Variants in KLHL32 observed in about 807,000 individuals in gnomAD.
KLHL32 encodes the protein kelch like family member 32.
KLHL32 carries 35 observed loss-of-function variants against 64.8 expected under a neutral mutation model. That is an observed-to-expected ratio of 0.54 (90% CI 0.41 to 0.72). The LOEUF (loss-of-function observed/expected upper bound fraction) is 0.72. Ranked by LOEUF, KLHL32 falls within the 30% of genes least tolerant of loss-of-function variation. The probability of loss-of-function intolerance (pLI) is 0.00; values close to 1 mark genes in which losing one functional copy is unlikely to be tolerated. For missense variants in KLHL32, 589 were observed against 768.5 expected, an observed-to-expected ratio of 0.77 and a Z score of 2.76; for synonymous variants, 259 against 281.0, an observed-to-expected ratio of 0.92 and a Z score of 0.78.
At chr6:97,076,973 A>AT (rs1257260158) in intron 5 of KLHL32, among the ~76,000 whole-genome samples, 3 of 152,126 alleles carry the variant, frequency 2.0e-5, no homozygotes, top group South Asian at 2.1e-4. Flanking sequence ...AAGATGTGGC[A>AT]TTTTTTCTTG....
chr6:96,907,530 A>T, the KLHL32 span, among the ~76,000 whole-genome samples: 1 of 152,208 alleles, frequency 6.6e-6, no homozygotes, highest in East Asian at 1.9e-4. Context: ...TAATAAAGTC[A>T]TAATGTGATT....
intron 3 of KLHL32, among the ~76,000 whole-genome samples, chr6:97,012,029 G>C (rs191883533): frequency 6.6e-6 from 1 of 152,216 alleles, no homozygotes; most frequent in Non-Finnish European, 1.5e-5. Context: ...AATCAATCAC[G>C]TAACTGCTGA....
chr6:96,958,900 G>T (rs1260674679), intron 1 of KLHL32, among the ~76,000 whole-genome samples: 1 of 152,176 alleles, frequency 6.6e-6, no homozygotes, highest in Non-Finnish European at 1.5e-5. Context: ...GGGATGGAGT[G>T]TTGGGAGGTG....
Position 97,114,409 on chromosome 6 carries a change from A to T in KLHL32, c.1254A>T (p.Arg418=). The change falls in exon 7 of 11, where the codon CGA becomes CGT. Residue 418 remains arginine (R), a synonymous_variant. Coordinates refer to ENST00000369261, the MANE Select transcript of KLHL32 (RefSeq NM_052904.4). ...GCCAGGTTCTGCCTACAGTTGAGCG[A>T]TATTGCCCCAAGAAGAACAAATGGA... The part of the protein sequence containing the change: ...ELRQVLPTVE[R]YCPKKNKWTF... 6.2e-7 allele frequency: 1 copy of T among 1,614,232 alleles called. No individual in the cohort carries two copies. The highest frequency in any genetic ancestry group is 8.5e-7 in the Non-Finnish European group (1 of 1,180,040).
At chr6:96,939,213 C>T (rs1486705809) in intron 1 of KLHL32, among the ~76,000 whole-genome samples, 1 of 152,160 alleles carries the variant, frequency 6.6e-6, no homozygotes, top group Non-Finnish European at 1.5e-5. Flanking sequence ...TTAAAGCTGC[C>T]ATTGGTGTTT....
At chr6:97,051,123 G>C (rs1156545030) in intron 4 of KLHL32, among the ~76,000 whole-genome samples, 1 of 152,222 alleles carries the variant, frequency 6.6e-6, no homozygotes, top group East Asian at 1.9e-4. Flanking sequence ...GGTGCCTGAG[G>C]TCGTATGTAC....
At chr6:96,966,607 T>G (rs865804647) in intron 1 of KLHL32, among the ~76,000 whole-genome samples, 1 of 152,232 alleles carries the variant, frequency 6.6e-6, no homozygotes, top group South Asian at 2.1e-4. Flanking sequence ...TAATCATATT[T>G]GGAAGGAAAA....
At chr6:97,002,561 TA>T (rs1279672481) in intron 3 of KLHL32, among the ~76,000 whole-genome samples, 3 of 152,154 alleles carry the variant, frequency 2.0e-5, no homozygotes, top group Admixed American at 6.6e-5. Flanking sequence ...GTGTACAGAT[TA>T]TTTCATTACT....
intron 1 of KLHL32, among the ~76,000 whole-genome samples, chr6:96,955,447 T>C (rs1235908996): frequency 1.3e-5 from 2 of 152,242 alleles, no homozygotes; most frequent in Non-Finnish European, 2.9e-5. Context: ...GGGTTTATTG[T>C]TGTTTTTTCA....
chr6:97,073,998 C>T (rs918655780), intron 5 of KLHL32, among the ~76,000 whole-genome samples: 9 of 152,164 alleles, frequency 5.9e-5, no homozygotes, highest in Non-Finnish European at 2.9e-5. Context: ...GGACTTGGCT[C>T]CAGATACCCT....
At chr6:96,923,497 C>T (rs986540607), upstream of KLHL32, among the ~76,000 whole-genome samples, 5 of 152,154 alleles carry the variant, frequency 3.3e-5, no homozygotes, top group African/African-American at 1.2e-4. Context: ...AGCATCCTAG[C>T]GTCCAGATAT....
chr6:97,138,456 T>G (rs1336900549), intron 10 of KLHL32, among the ~76,000 whole-genome samples: 1 of 152,058 alleles, frequency 6.6e-6, no homozygotes, highest in Non-Finnish European at 1.5e-5. Flanking sequence ...GGAGGATTGC[T>G]TGAGCCCAAG....
Position 97,054,373 on chromosome 6 carries a change from C to G in KLHL32, c.313-10255C>G, listed in dbSNP as rs73502864. Among the ~76,000 whole-genome samples the G allele has an allele frequency of 8.4e-3, 1,284 of 152,178 alleles. 16 individuals are homozygous for G. The highest frequency in any genetic ancestry group is 0.03 in the African/African-American group (1,241 of 41,510). ...TAATTCAGCAAATACTTAATGAACACCTACTATATGCTAAGGACTTACTAG... is the reference window on the plus strand; with the variant it reads ...TAATTCAGCAAATACTTAATGAACAGCTACTATATGCTAAGGACTTACTAG... On this transcript the variant is annotated intron_variant, in intron 4 of 10. Coordinates refer to ENST00000369261, the MANE Select transcript of KLHL32 (RefSeq NM_052904.4).
intron 10 of KLHL32, among the ~76,000 whole-genome samples, chr6:97,133,085 C>A (rs561768690): frequency 6.6e-6 from 1 of 152,304 alleles, no homozygotes; most frequent in Non-Finnish European, 1.5e-5. Flanking sequence ...CCAAGCTTTA[C>A]AAATACTTCC....
At chr6:97,117,570 A>G (rs1348937722) in intron 7 of KLHL32, among the ~76,000 whole-genome samples, 1 of 152,230 alleles carries the variant, frequency 6.6e-6, no homozygotes, top group African/African-American at 2.4e-5. Flanking sequence ...TGCTGCGTGT[A>G]CATATCCATT....
intron 3 of KLHL32, among the ~76,000 whole-genome samples, chr6:97,005,591 T>G (rs7771815): frequency 0.087 from 13,309 of 152,172 alleles, 1,242 homozygotes; most frequent in Admixed American, 0.22. Context: ...ATTTGAGATA[T>G]TTCTAACTTT....
chr6:97,139,454 C>G lies in KLHL32; in HGVS notation c.*172C>G. 1 of 599,500 alleles carries G rather than the reference C, an allele frequency of 1.7e-6. No homozygotes were observed. The allele number at this position is 599,500 out of a possible 1,614,324, so 37.1% of individuals were successfully genotyped here. ...AAATACGTTATTGAAAACTCGTCAC[C>G]CTTCTCAGTGTATGTCAACATTCAA... On this transcript the variant is annotated 3_prime_UTR_variant, in exon 11 of 11. Coordinates refer to ENST00000369261, the MANE Select transcript of KLHL32 (RefSeq NM_052904.4).
At chr6:97,068,197 A>G (rs1396465455) in intron 5 of KLHL32, among the ~76,000 whole-genome samples, 3 of 152,188 alleles carry the variant, frequency 2.0e-5, no homozygotes, top group African/African-American at 4.8e-5. Flanking sequence ...AAGTTTATAC[A>G]TTTTGTATCA....
chr6:97,058,576 G>C (rs1788381546), intron 4 of KLHL32, among the ~76,000 whole-genome samples: 1 of 152,112 alleles, frequency 6.6e-6, no homozygotes, highest in African/African-American at 2.4e-5. Context: ...AATTTCCCAG[G>C]CTCTTTTACA....
Sources: allele counts gnomAD v4.1 joint callset (sites outside exome capture counted in the v4.1 genomes callset), GRCh38; gene constraint gnomAD v4.1.1; transcripts MANE v1.5; gene names NCBI Gene and HGNC (gene_info 2026-07-23, HGNC 2026-07-21).